Variants in ZNF708 observed in about 807,000 individuals in gnomAD.
ZNF708 encodes the protein ZNF15, ZNF15L1.
ZNF708 carries 44 observed loss-of-function variants against 47.0 expected under a neutral mutation model. That is an observed-to-expected ratio of 0.94 (90% CI 0.74 to 1.20). The LOEUF is 1.20. Among genes scored for constraint, ZNF708 ranks in the 50% most tolerant of loss-of-function variants. ZNF708 has a pLI of 0.00. For missense variants in ZNF708, 557 were observed against 656.0 expected, an observed-to-expected ratio of 0.85 and a Z score of 1.65; for synonymous variants, 184 against 218.5, an observed-to-expected ratio of 0.84 and a Z score of 1.39.
Position 21,321,252 on chromosome 19 carries a change from G to A in ZNF708, c.3+7958C>T, listed in dbSNP as rs1973129269. ...AATAAGAACACATGGACACAAAGTGGGGAACAACAGTAACTGAGGCCTACT... is the reference window on the plus strand; with the variant it reads ...AATAAGAACACATGGACACAAAGTGAGGAACAACAGTAACTGAGGCCTACT... On this transcript the variant is annotated intron_variant, in intron 1 of 3. Transcript: ENST00000356929. 1.3e-5 allele frequency among the ~76,000 whole-genome samples: 2 copies of A among 152,072 alleles called. 1 individual carries two copies. Among genetic ancestry groups the A allele is most frequent in the South Asian group, 4.2e-4 (2 of 4,818 alleles).
chr19:21,297,125 T>G (rs2145150498), intron 3 of ZNF708, among the ~76,000 whole-genome samples: 1 of 150,808 alleles, frequency 6.6e-6, no homozygotes, highest in East Asian at 2.0e-4. Flanking sequence ...AGAGCAAGAC[T>G]GTCTCTCAAA....
chr19:21,303,162 G>A (rs961719366), intron 3 of ZNF708, among the ~76,000 whole-genome samples: 8 of 150,128 alleles, frequency 5.3e-5, no homozygotes, highest in Non-Finnish European at 8.9e-5. Flanking sequence ...CGAAATGAGA[G>A]GATCATCAGA....
intron 3 of ZNF708, among the ~76,000 whole-genome samples, chr19:21,296,489 C>T (rs990115036): frequency 1.1e-4 from 17 of 151,688 alleles, no homozygotes; most frequent in Admixed American, 1.1e-3. Context: ...GCAACAAGAG[C>T]GAAACTCCTT....
chr19:21,299,330 G>A (rs765928299), intron 3 of ZNF708, among the ~76,000 whole-genome samples: 21 of 152,086 alleles, frequency 1.4e-4, no homozygotes, highest in Non-Finnish European at 2.6e-4. Context: ...TCCAGCCTGG[G>A]TGACAGAGTG....
At chr19:21,321,451 G>A (rs1973134359) in intron 1 of ZNF708, among the ~76,000 whole-genome samples, 1 of 152,034 alleles carries the variant, frequency 6.6e-6, no homozygotes, top group Non-Finnish European at 1.5e-5. Context: ...AGCCTGGCAT[G>A]GTGATACACA....
intron 1 of ZNF708, among the ~76,000 whole-genome samples, chr19:21,313,856 G>A (rs569253336): frequency 6.6e-6 from 1 of 151,740 alleles, no homozygotes; most frequent in African/African-American, 2.4e-5. Context: ...ATTTTTACTG[G>A]GTTTATATTT....
intron 1 of ZNF708, among the ~76,000 whole-genome samples, chr19:21,321,485 G>A (rs928856049): frequency 1.3e-5 from 2 of 151,990 alleles, no homozygotes; most frequent in African/African-American, 4.8e-5. Flanking sequence ...CCACTCAGGA[G>A]GCAGGAGAAT....
chr19:21,296,439 T>C (rs1191717216), intron 3 of ZNF708, among the ~76,000 whole-genome samples: 1 of 151,862 alleles, frequency 6.6e-6, no homozygotes, highest in East Asian at 1.9e-4. Flanking sequence ...GAGGCGGAGA[T>C]TGCAGTGAGC....
Position 21,294,337 on chromosome 19 carries a change from T to C in ZNF708, c.629A>G (p.Asn210Ser). The stretch of plus-strand genomic sequence containing the variant: ...ATGAATTATCTTATGATTCGTAAGG[T>C]TTGAGGACTTTTTAAAAGCTTTGCC... ...ECGKAFKKSSNLTNHKIIHTG... is the reference protein window; with the variant it reads ...ECGKAFKKSSSLTNHKIIHTG... Residue 210 changes from asparagine to serine, a missense_variant, in exon 4 of 4, where the codon AAC becomes AGC. Physicochemically the swap from Asn to Ser is conservative, Grantham distance 46. Transcript: ENST00000356929. 1 of 1,613,174 alleles carries C rather than the reference T, an allele frequency of 6.2e-7. No homozygotes were observed. Among genetic ancestry groups the C allele is most frequent in the Non-Finnish European group, 8.5e-7 (1 of 1,179,738 alleles).
At chr19:21,315,591 A>T (rs953849551) in intron 1 of ZNF708, among the ~76,000 whole-genome samples, 3 of 152,152 alleles carry the variant, frequency 2.0e-5, no homozygotes, top group African/African-American at 4.8e-5. Context: ...GGGAGCAAAT[A>T]TTCAAGTTGC....
chr19:21,320,682 G>C lies in ZNF708; in HGVS notation c.3+8528C>G, dbSNP rs555234437. On this transcript the variant is annotated intron_variant, in intron 1 of 3. Transcript: ENST00000356929. Reference sequence around the variant, plus strand: ...CACTCCAGCCTGAGTGACAGAATGAGACCCTGTCTCCAAAGAAAAATAAAA... The same window carrying C: ...CACTCCAGCCTGAGTGACAGAATGACACCCTGTCTCCAAAGAAAAATAAAA... Among the ~76,000 whole-genome samples the C allele has an allele frequency of 2.8e-5, 4 of 144,502 alleles. No homozygotes were observed. In the East Asian group the frequency reaches 8.5e-4, roughly 31 times the overall value. The allele number at this position is 144,502 out of a possible 152,430, so 94.8% of individuals were successfully genotyped here. A position where few individuals can be genotyped will look rare whatever the true frequency, so the allele number is the denominator to read the frequency against.
intron 1 of ZNF708, among the ~76,000 whole-genome samples, chr19:21,320,374 A>G (rs1353352570): frequency 6.6e-6 from 1 of 152,156 alleles, no homozygotes; most frequent in East Asian, 1.9e-4. Context: ...ATGCCTATCA[A>G]TAATAGACTG....
Position 21,294,720 on chromosome 19 carries a change from G to A in ZNF708, c.246C>T (p.Ala82=). The change falls in exon 4 of 4, where the codon GCC becomes GCT. Residue 82 remains alanine (A), a synonymous_variant. Transcript: ENST00000356929. ...TATATTGCTCTGGCCTAAGGTCTTT[G>A]GCAAAATGAGAACACATAGCTGAAA... The part of the protein sequence containing the change: ...AKPPAMCSHF[A]KDLRPEQYIK... 1.3e-6 allele frequency: 2 copies of A among 1,590,390 alleles called. No individual in the cohort carries two copies. The highest frequency in any genetic ancestry group is 2.2e-5 in the East Asian group (1 of 44,556).
rs779690598 is a variant in ZNF708, at chr19:21,294,661, C to A, written c.305G>T (p.Arg102Ile). The A allele has an allele frequency of 7.4e-6, 12 of 1,613,962 alleles. No homozygotes were observed. The East Asian group carries it at 2.7e-4, about 36-fold the overall frequency. The change falls in exon 4 of 4, where the codon AGA (arginine) becomes ATA (isoleucine). Residue 102 changes from arginine (R) to isoleucine (I), a missense_variant. Transcript: ENST00000356929. ...TTTCTGATATCCACATTTTCCATAT[C>A]TTCTCAGTATCACTTGTTGGAAAGA... ...KNSFQQVILRRYGKCGYQKGC... is the reference protein window; with the variant it reads ...KNSFQQVILRIYGKCGYQKGC...
At chr19:21,316,327 T>C (rs1169802510) in intron 1 of ZNF708, among the ~76,000 whole-genome samples, 1 of 151,614 alleles carries the variant, frequency 6.6e-6, no homozygotes, top group Non-Finnish European at 1.5e-5. Context: ...GGTTTCTCCA[T>C]GCTAGTAAGG....
At position 21,320,445 on chromosome 19, in the gene ZNF708, G is replaced by A. The variant is rs145085712; in HGVS notation, c.3+8765C>T. ...TAACACCTGTAATCCCAGCACTTTG[G>A]GAGGCTGAGGCAAGTTGATTGCCTG... On this transcript the variant is annotated intron_variant, in intron 1 of 3. Transcript: ENST00000356929. 3.6e-3 allele frequency among the ~76,000 whole-genome samples: 543 copies of A among 152,216 alleles called. 2 individuals carry two copies. The highest frequency in any genetic ancestry group is 0.012 in the African/African-American group (501 of 41,544).
chr19:21,294,433 C>A lies in ZNF708; in HGVS notation c.533G>T (p.Cys178Phe). Residue 178 changes from cysteine to phenylalanine, a missense_variant, in exon 4 of 4, where the codon TGC (cysteine) becomes TTC (phenylalanine). Coordinates refer to ENST00000356929, the MANE Select transcript of ZNF708 (RefSeq NM_021269.3). ...ATGTTGAGTTAGTTGTGAAAGCATG[C>A]AAAATGATTTGCCACATTCTTTACA... Reference protein sequence around the residue: ...FKCKECGKSFCMLSQLTQHEI... With the variant: ...FKCKECGKSFFMLSQLTQHEI... 2 of 1,614,054 alleles carry A rather than the reference C, an allele frequency of 1.2e-6. No homozygotes were observed. The highest frequency in any genetic ancestry group is 1.1e-5 in the South Asian group (1 of 91,078).
Position 21,320,253 on chromosome 19 carries a change from C to T in ZNF708, c.3+8957G>A, listed in dbSNP as rs149782263. ...ACCATTTGACCCAGCAACCTCATAA[C>T]TTGGTATATACCCAAAGAAATATAA... On this transcript the variant is annotated intron_variant, in intron 1 of 3. Coordinates refer to ENST00000356929, the MANE Select transcript of ZNF708 (RefSeq NM_021269.3). Among the ~76,000 whole-genome samples, 24 of 152,258 alleles carry T rather than the reference C, an allele frequency of 1.6e-4. No individual in the cohort carries two copies. The East Asian group carries it at 4.3e-3, about 27-fold the overall frequency.
intron 1 of ZNF708, among the ~76,000 whole-genome samples, chr19:21,321,801 A>G (rs941808540): frequency 6.6e-6 from 1 of 152,212 alleles, no homozygotes; most frequent in African/African-American, 2.4e-5. Context: ...CTTCAGTGAA[A>G]AAATAATTTA....
Sources: gnomAD v4.1 joint callset for allele counts (sites outside exome capture counted in the v4.1 genomes callset) on GRCh38, gnomAD v4.1.1 for gene constraint, MANE v1.5 for transcripts, NCBI Gene and HGNC (gene_info 2026-07-23, HGNC 2026-07-21) for gene names.